The following MICU3 variants were observed in gnomAD, a reference collection of about 807,000 sequenced individuals.
The protein encoded by MICU3 is calcium uptake protein 3, mitochondrial.
Under a neutral mutation model 66.5 loss-of-function variants are expected in MICU3, and 62 were observed. The observed-to-expected ratio is 0.93, with a 90% CI of 0.76 to 1.15. The LOEUF is 1.15. MICU3 is among the 50% of genes most tolerant of loss of function. The pLI is 0.00. For synonymous variants in MICU3, 308 were observed against 240.7 expected (o/e 1.28, Z -2.59); for missense variants, 779 against 664.4 (o/e 1.17, Z -1.90).
chr8:17,090,480 C>G (rs1191381398), intron 7 of MICU3, 66 bp from the exon 8 acceptor site: 3 of 1,414,132 alleles, frequency 2.1e-6, no homozygotes, highest in Middle Eastern at 1.8e-4. Flanking sequence ...TTCCTTTTTT[C>G]TTTTGCTGTA....
At chr8:17,111,606 T>A (rs1195237145) in intron 11 of MICU3, among the ~76,000 whole-genome samples, 1 of 152,216 alleles carries the variant, frequency 6.6e-6, no homozygotes, top group Non-Finnish European at 1.5e-5. Context: ...CAATTCAAGG[T>A]CATGAAGTTT....
intron 1 of MICU3, among the ~76,000 whole-genome samples, chr8:17,059,140 TAG>T (rs374538954): frequency 8.7e-4 from 133 of 152,324 alleles, no homozygotes; most frequent in African/African-American, 2.9e-3. Flanking sequence ...ATGCAAATAA[TAG>T]AGTTTCATCC....
intron 9 of MICU3, among the ~76,000 whole-genome samples, chr8:17,099,021 T>C (rs1801022704): frequency 2.0e-5 from 3 of 151,642 alleles, no homozygotes; most frequent in South Asian, 2.1e-4. Context: ...TATTTTACCT[T>C]GACATTAAGA....
intron 1 of MICU3, among the ~76,000 whole-genome samples, chr8:17,051,084 G>A (rs999341117): frequency 1.3e-5 from 2 of 151,968 alleles, no homozygotes; most frequent in Non-Finnish European, 2.9e-5. Flanking sequence ...GAAACTTGAG[G>A]AAAAATCAGT....
chr8:17,033,128 G>A (rs143562944), intron 1 of MICU3, among the ~76,000 whole-genome samples: 17 of 152,238 alleles, frequency 1.1e-4, no homozygotes, highest in African/African-American at 3.4e-4. Context: ...AAGTGTTCAC[G>A]TGGAAGGAAG....
intron 1 of MICU3, 70 bp downstream of exon 1, chr8:17,027,730 G>T (rs926382249): frequency 4.1e-5 from 52 of 1,255,732 alleles, no homozygotes; most frequent in Middle Eastern, 6.1e-4. Context: ...CAGGACCCTG[G>T]AGGCTGTGGG....
At chr8:17,049,175 A>G (rs1230305838) in intron 1 of MICU3, among the ~76,000 whole-genome samples, 1 of 152,098 alleles carries the variant, frequency 6.6e-6, no homozygotes, top group South Asian at 2.1e-4. Flanking sequence ...ATTTTAACCC[A>G]TTTATGCCTA....
intron 4 of MICU3, among the ~76,000 whole-genome samples, chr8:17,080,983 T>A (rs1036766729): frequency 1.3e-5 from 2 of 152,166 alleles, no homozygotes; most frequent in Non-Finnish European, 2.9e-5. Flanking sequence ...GCACTAAATC[T>A]AGTTTTGGGT....
intron 4 of MICU3, among the ~76,000 whole-genome samples, chr8:17,081,359 G>T (rs1381299005): frequency 6.6e-6 from 1 of 151,896 alleles, no homozygotes; most frequent in Non-Finnish European, 1.5e-5. Flanking sequence ...TTTAAGCTCT[G>T]TTGGACTTGA....
At chr8:17,136,210 T>C in the MICU3 span, among the ~76,000 whole-genome samples, 1 of 152,112 alleles carries the variant, frequency 6.6e-6, no homozygotes, top group Admixed American at 6.6e-5. Context: ...AGTTTTCTTA[T>C]ATTCATGAGA....
intron 1 of MICU3, among the ~76,000 whole-genome samples, chr8:17,045,375 G>A (rs574725971): frequency 6.6e-6 from 1 of 152,158 alleles, no homozygotes; most frequent in Non-Finnish European, 1.5e-5. Context: ...AGGAAGGAAT[G>A]CTGCACAGAG....
At position 17,069,668 on chromosome 8, in the gene MICU3, C is replaced by G; in HGVS notation, c.536-20C>G. On this transcript the variant is annotated intron_variant, in intron 2 of 14. Transcript: ENST00000318063. ...CATGAAGTATTTATTATCTAATTAT[C>G]TTACATTTGTTTATTTTAGTTGCCA... The G allele has an allele frequency of 6.8e-7, 1 of 1,465,952 alleles. No homozygotes were observed. Among genetic ancestry groups the G allele is most frequent in the African/African-American group, 1.4e-5 (1 of 70,964 alleles). 90.8% of individuals were successfully genotyped at this position (1,465,952 alleles called of 1,614,324 possible). A position where few individuals can be genotyped will look rare whatever the true frequency, so the allele number is the denominator to read the frequency against.
chr8:17,037,133 G>A (rs924517243), intron 1 of MICU3, among the ~76,000 whole-genome samples: 5 of 152,306 alleles, frequency 3.3e-5, no homozygotes, highest in African/African-American at 1.2e-4. Context: ...CCAAGCCCAC[G>A]CCCACCTGGA....
chr8:17,088,826 C>T (rs1356710757), intron 7 of MICU3, among the ~76,000 whole-genome samples: 2 of 151,898 alleles, frequency 1.3e-5, no homozygotes, highest in Non-Finnish European at 2.9e-5. Flanking sequence ...CTCTGAGCGT[C>T]ACTGCAGCCA....
At chr8:17,099,773 T>C (rs112969235) in intron 9 of MICU3, among the ~76,000 whole-genome samples, 1 of 151,728 alleles carries the variant, frequency 6.6e-6, no homozygotes, top group Non-Finnish European at 1.5e-5. Flanking sequence ...TTAGAGTGCA[T>C]ACAAGTCAAC....
At chr8:17,103,475 C>A (rs550604817) in intron 9 of MICU3, among the ~76,000 whole-genome samples, 1 of 151,700 alleles carries the variant, frequency 6.6e-6, no homozygotes, top group Non-Finnish European at 1.5e-5. Context: ...TATTTAAACT[C>A]TTTTTTCACA....
At chr8:17,124,597 C>T (rs1803356779), downstream of MICU3, among the ~76,000 whole-genome samples, 1 of 151,904 alleles carries the variant, frequency 6.6e-6, no homozygotes, top group Non-Finnish European at 1.5e-5. Context: ...TTAACCCTCT[C>T]TATCTCCCAG....
At chr8:17,076,374 T>C (rs1301472036) in intron 3 of MICU3, among the ~76,000 whole-genome samples, 1 of 152,168 alleles carries the variant, frequency 6.6e-6, no homozygotes, top group Non-Finnish European at 1.5e-5. Flanking sequence ...ACAAAAATAT[T>C]TGAGTTTACT....
intron 3 of MICU3, among the ~76,000 whole-genome samples, chr8:17,075,622 A>C (rs1820268383): frequency 6.6e-6 from 1 of 152,168 alleles, no homozygotes; most frequent in African/African-American, 2.4e-5. Context: ...GTTAACAGAG[A>C]AGTCAAGATG....
Sources: gnomAD v4.1 joint callset for allele counts (sites outside exome capture counted in the v4.1 genomes callset) on GRCh38, gnomAD v4.1.1 for gene constraint, MANE v1.5 for transcripts, NCBI Gene and HGNC (gene_info 2026-07-23, HGNC 2026-07-21) for gene names.